RPRD2: variants seen among roughly 807,000 people sequenced by gnomAD.
The protein encoded by RPRD2 is regulation of nuclear pre-mRNA domain containing 2, also known as regulation of nuclear pre-mRNA domain-containing protein 2.
In RPRD2, 12 loss-of-function variants were observed where a neutral mutation model predicts 104.4. The ratio of observed to expected loss-of-function variants is 0.11; its 90% confidence interval spans 0.07 to 0.19. The LOEUF is 0.19. Ranked by LOEUF, RPRD2 falls within the 10% of genes least tolerant of loss-of-function variation. The pLI is 1.00. For synonymous variants in RPRD2, 714 were observed against 684.9 expected, an observed-to-expected ratio of 1.04 and a Z score of -0.66; for missense variants, 1,543 against 1,790.1, an observed-to-expected ratio of 0.86 and a Z score of 2.49.
intron 1 of RPRD2, 45 bp from the exon 2 acceptor site, chr1:150,417,551 A>G: frequency 2.8e-6 from 4 of 1,441,654 alleles, no homozygotes; most frequent in Non-Finnish European, 3.7e-6. Flanking sequence ...AACTAAGTGC[A>G]AATTGACTCA....
Position 150,472,822 on chromosome 1 carries a change from C to G in RPRD2, c.3874C>G (p.Pro1292Ala), listed in dbSNP as rs757451532. The change falls in exon 11 of 11, where the codon CCA becomes GCA. Residue 1292 changes from proline to alanine, a missense_variant. This residue lies in a region of RPRD2 where 880 missense variants were observed against 885.6 expected (regional missense o/e 0.99). Transcript: ENST00000369068. ...TGGGAGTGGTGTCCCCTTTTCTACTCCACCCCCTCCTCCACCCCCTGTTGA... is the reference window on the plus strand; with the variant it reads ...TGGGAGTGGTGTCCCCTTTTCTACTGCACCCCCTCCTCCACCCCCTGTTGA... The part of the protein sequence containing the change: ...SGGSGVPFST[P>A]PPPPPPVDHS... 2 of 1,609,046 alleles carry G rather than the reference C, an allele frequency of 1.2e-6. No individual in the cohort carries two copies. Among genetic ancestry groups the G allele is most frequent in the Non-Finnish European group, 1.7e-6 (2 of 1,176,536 alleles).
At position 150,364,793 on chromosome 1, in the gene RPRD2, T is replaced by C. The variant is rs1349323366; in HGVS notation, c.79T>C (p.Leu27=). 25 of 1,613,454 alleles carry C rather than the reference T, an allele frequency of 1.5e-5. No individual in the cohort carries two copies. The highest frequency in any genetic ancestry group is 4.0e-5 in the African/African-American group (3 of 74,928). ...TTCGGCAGGGGCTCTGGAGTCCTCG[T>C]TGGATCGAAAATTCCAGTCGGTAAC... ...ASSAGALESS[L]DRKFQSVTNT... The change falls in exon 1 of 11, where the codon TTG becomes CTG. Residue 27 remains leucine, a synonymous_variant. Coordinates refer to ENST00000369068, the MANE Select transcript of RPRD2 (RefSeq NM_015203.5).
At chr1:150,399,045 C>T (rs114889298) in intron 1 of RPRD2, among the ~76,000 whole-genome samples, 2,102 of 152,144 alleles carry the variant, frequency 0.014, 53 homozygotes, top group African/African-American at 0.048. Flanking sequence ...CTTGGTTACC[C>T]AGGCTGGAGT....
At chr1:150,430,927 CA>C (rs34205529) in intron 2 of RPRD2, among the ~76,000 whole-genome samples, 12,919 of 135,370 alleles carry the variant, frequency 0.095, 669 homozygotes, top group African/African-American at 0.12. Context: ...AACTCCATCT[CA>C]AAAAAAAAAA....
At chr1:150,447,449 C>T (rs587761656) in intron 7 of RPRD2, among the ~76,000 whole-genome samples, 20 of 151,446 alleles carry the variant, frequency 1.3e-4, no homozygotes, top group African/African-American at 4.9e-4. Flanking sequence ...ATTCTCCTGC[C>T]TCAGCCTCCT....
chr1:150,364,946 G>C (rs781955318), intron 1 of RPRD2, 27 bp downstream of exon 1: 1 of 1,608,034 alleles, frequency 6.2e-7, no homozygotes, highest in Admixed American at 1.7e-5. Context: ...ACTAGGGAAG[G>C]GAAGACTGGG....
chr1:150,417,812 G>C (rs1664457894), intron 2 of RPRD2, 87 bp downstream of exon 2: 1 of 1,018,442 alleles, frequency 9.8e-7, no homozygotes, highest in Non-Finnish European at 1.3e-6. Flanking sequence ...TGTAATAATT[G>C]AACATGCTTG....
At chr1:150,427,027 TC>T (rs1665180108) in intron 2 of RPRD2, among the ~76,000 whole-genome samples, 1 of 151,978 alleles carries the variant, frequency 6.6e-6, no homozygotes, top group African/African-American at 2.4e-5. Flanking sequence ...CGCCTGTAGT[TC>T]CAGCTTCTTG....
intron 2 of RPRD2, among the ~76,000 whole-genome samples, 185 bp downstream of exon 2, chr1:150,417,910 TTCTC>T (rs140431392): frequency 3.3e-5 from 5 of 150,592 alleles, no homozygotes; most frequent in Non-Finnish European, 5.9e-5. Context: ...TCTTTTCTTT[TTCTC>T]TCTCTCTCTT....
chr1:150,454,487 A>G (rs1667388525), intron 7 of RPRD2, among the ~76,000 whole-genome samples: 1 of 152,118 alleles, frequency 6.6e-6, no homozygotes, highest in Non-Finnish European at 1.5e-5. Context: ...GCATTAGTCT[A>G]CTATAAGCTA....
chr1:150,453,444 C>T (rs782413619), intron 7 of RPRD2, among the ~76,000 whole-genome samples: 1 of 152,162 alleles, frequency 6.6e-6, no homozygotes, highest in Non-Finnish European at 1.5e-5. Context: ...CTTTGCAATG[C>T]CTCCCTCCCA....
chr1:150,382,634 C>T (rs1452459519), intron 1 of RPRD2, among the ~76,000 whole-genome samples: 1 of 152,214 alleles, frequency 6.6e-6, no homozygotes, highest in Non-Finnish European at 1.5e-5. Flanking sequence ...GCTGGGATTA[C>T]AGGCGTGAGC....
chr1:150,374,485 G>T (rs1280485208), intron 1 of RPRD2, among the ~76,000 whole-genome samples: 2 of 152,190 alleles, frequency 1.3e-5, no homozygotes, highest in Non-Finnish European at 2.9e-5. Flanking sequence ...ATTTATGGTG[G>T]TTGGGTCAGA....
chr1:150,387,142 T>C (rs1488066882), intron 1 of RPRD2, among the ~76,000 whole-genome samples: 1 of 152,196 alleles, frequency 6.6e-6, no homozygotes, highest in Non-Finnish European at 1.5e-5. Context: ...TTTTTCAAAT[T>C]GTTGTAAATC....
At chr1:150,434,658 A>C (rs1359425542) in intron 2 of RPRD2, among the ~76,000 whole-genome samples, 1 of 151,992 alleles carries the variant, frequency 6.6e-6, no homozygotes, top group Admixed American at 6.6e-5. Context: ...TCTACCAAAA[A>C]TACAAAAATT....
At chr1:150,429,152 G>T (rs1322133888) in intron 2 of RPRD2, among the ~76,000 whole-genome samples, 1 of 150,796 alleles carries the variant, frequency 6.6e-6, no homozygotes, top group Non-Finnish European at 1.5e-5. Flanking sequence ...GAGTGCAGTG[G>T]TGCGATCTCA....
intron 2 of RPRD2, among the ~76,000 whole-genome samples, chr1:150,428,512 G>T (rs587775266): frequency 6.6e-6 from 1 of 151,124 alleles, no homozygotes; most frequent in African/African-American, 2.4e-5. Context: ...CAGCTTCAAG[G>T]GTTTTTGACT....
intron 2 of RPRD2, among the ~76,000 whole-genome samples, chr1:150,439,514 TTC>T (rs1278846218): frequency 6.6e-6 from 1 of 152,156 alleles, no homozygotes; most frequent in South Asian, 2.1e-4. Context: ...TAATACAATT[TTC>T]TCTGTTTCTT....
intron 7 of RPRD2, among the ~76,000 whole-genome samples, chr1:150,448,392 C>T (rs1327478150): frequency 6.6e-6 from 1 of 152,204 alleles, no homozygotes; most frequent in Admixed American, 6.5e-5. Context: ...TCGTCTTGAA[C>T]TCCTGGCCTC....
Sources: gnomAD v4.1 joint callset for allele counts (sites outside exome capture counted in the v4.1 genomes callset) on GRCh38, gnomAD v4.1.1 for gene constraint, gnomAD v4.1.1 regional missense constraint, MANE v1.5 for transcripts, NCBI Gene and HGNC (gene_info 2026-07-23, HGNC 2026-07-21) for gene names.